NINL: variants seen among roughly 807,000 people sequenced by gnomAD.
NINL encodes ninein-like protein.
NINL carries 153 observed loss-of-function variants against 160.3 expected under a neutral mutation model. That is an observed-to-expected ratio of 0.95 (90% CI 0.84 to 1.09). NINL has a LOEUF of 1.09. Among genes scored for constraint, NINL ranks in the 50% least tolerant of loss-of-function variants. NINL has a pLI of 0.00. For synonymous variants in NINL, 800 were observed against 734.8 expected (o/e 1.09, Z -1.43); for missense variants, 1,829 against 1,764.0 (o/e 1.04, Z -0.66).
At position 25,500,876 on chromosome 20, in the gene NINL, G is replaced by A; in HGVS notation, c.996C>T (p.Thr332=). Residue 332 remains threonine (T), a synonymous_variant, in exon 8 of 24, where the codon ACC becomes ACT. Transcript: ENST00000278886. ...AFPDQVLAMW[T]QEGIQNGREI... is the part of the protein sequence containing the mutation. ...CCCTGCCATTCTGAATCCCCTCCTGGGTCCACATGGCCAGGACCTGATCAG... is the reference window on the plus strand; with the variant it reads ...CCCTGCCATTCTGAATCCCCTCCTGAGTCCACATGGCCAGGACCTGATCAG... 1 of 1,614,072 alleles carries A rather than the reference G, an allele frequency of 6.2e-7. No individual in the cohort carries two copies. The highest frequency in any genetic ancestry group is 8.5e-7 in the Non-Finnish European group (1 of 1,180,002).
chr20:25,487,336 G>T (rs2063523508), intron 13 of NINL, among the ~76,000 whole-genome samples: 1 of 152,070 alleles, frequency 6.6e-6, no homozygotes, highest in South Asian at 2.1e-4. Flanking sequence ...GTCTTAAATG[G>T]CTGTTATTTG....
At position 25,526,487 on chromosome 20, in the gene NINL, T is replaced by G. The variant is rs746202457; in HGVS notation, c.101A>C (p.Gln34Pro). Residue 34 changes from glutamine to proline, a missense_variant, in exon 2 of 24, where the codon CAG (glutamine) becomes CCG (proline). Physicochemically the swap from Gln to Pro is moderately conservative, Grantham distance 76. Coordinates refer to ENST00000278886, the MANE Select transcript of NINL (RefSeq NM_025176.6). ...CTCCAGGTGAAGCTTAAGGCAGAGC[T>G]GGGTCAGCTCCTGGCGGTCCAGAAA... ...TGFLDRQELT[Q>P]LCLKLHLEQQ... 4 of 1,614,100 alleles carry G rather than the reference T, an allele frequency of 2.5e-6. No homozygotes were observed. In the East Asian group the frequency reaches 8.9e-5, roughly 36 times the overall value.
chr20:25,539,481 G>A (rs2064623681), intron 1 of NINL, among the ~76,000 whole-genome samples: 2 of 152,154 alleles, frequency 1.3e-5, no homozygotes, highest in South Asian at 4.1e-4. Flanking sequence ...GCTACTAAGG[G>A]GGCGATGACT....
intron 4 of NINL, among the ~76,000 whole-genome samples, chr20:25,511,660 A>C (rs2064071932): frequency 6.6e-6 from 1 of 152,234 alleles, no homozygotes; most frequent in Non-Finnish European, 1.5e-5. Flanking sequence ...GCAGAATGGC[A>C]CCAATGAAGA....
At position 25,466,380 on chromosome 20, in the gene NINL, T is replaced by C. The variant is rs544657543; in HGVS notation, c.3423+1009A>G. On this transcript the variant is annotated intron_variant, in intron 19 of 23. Coordinates refer to ENST00000278886, the MANE Select transcript of NINL (RefSeq NM_025176.6). ...CATACACATGCACACGTGAAATATA[T>C]AGATATGAACAGAACTAAAGTGCAG... Among the ~76,000 whole-genome samples, 5 of 152,204 alleles carry C rather than the reference T, an allele frequency of 3.3e-5. No homozygotes were observed. In the East Asian group the frequency reaches 9.6e-4, roughly 29 times the overall value.
intron 1 of NINL, among the ~76,000 whole-genome samples, chr20:25,583,756 A>C (rs1026090591): frequency 6.6e-6 from 1 of 152,258 alleles, no homozygotes; most frequent in Non-Finnish European, 1.5e-5. Context: ...TGAATAAAGA[A>C]AATGTGGTAC....
In NINL at chr20:25,511,681, G is replaced by A. The variant is rs373016423; in HGVS notation, c.451-941C>T. ...TGGCACCAATGAAGATCCACCACAAGGAGGAGATTCACTATCTCTCCATCC... is the reference window on the plus strand; with the variant it reads ...TGGCACCAATGAAGATCCACCACAAAGAGGAGATTCACTATCTCTCCATCC... On this transcript the variant is annotated intron_variant, in intron 4 of 23. Coordinates refer to ENST00000278886, the MANE Select transcript of NINL (RefSeq NM_025176.6). Among the ~76,000 whole-genome samples the A allele has an allele frequency of 1.5e-3, 227 of 152,260 alleles. 1 individual carries two copies. The highest frequency in any genetic ancestry group is 5.2e-3 in the African/African-American group (215 of 41,538).
At chr20:25,571,859 C>G (rs1278030941) in intron 1 of NINL, among the ~76,000 whole-genome samples, 1 of 93,964 alleles carries the variant, frequency 1.1e-5, no homozygotes, top group Admixed American at 1.8e-4. Context: ...GAGAGTGAGA[C>G]TCTGTCTGAA....
intron 11 of NINL, among the ~76,000 whole-genome samples, chr20:25,490,819 G>A (rs2063615446): frequency 6.6e-6 from 1 of 152,028 alleles, no homozygotes; most frequent in African/African-American, 2.4e-5. Context: ...GGTGTGGGGA[G>A]TTAGGAGAGG....
intron 1 of NINL, among the ~76,000 whole-genome samples, chr20:25,553,017 C>G (rs2064823121): frequency 1.3e-5 from 2 of 151,800 alleles, no homozygotes; most frequent in Non-Finnish European, 2.9e-5. Context: ...CTTCCCCACG[C>G]AAGGGCACTG....
chr20:25,477,790 A>C (rs113102515), intron 16 of NINL, among the ~76,000 whole-genome samples: 3 of 152,262 alleles, frequency 2.0e-5, no homozygotes, highest in African/African-American at 7.2e-5. Flanking sequence ...GGATGCTGAG[A>C]GGAGAGGGGC....
chr20:25,512,878 G>T lies in NINL; in HGVS notation c.406C>A (p.Leu136Met). ...RVPEQQTQASLKSHLWRSASL... is the reference protein window; with the variant it reads ...RVPEQQTQASMKSHLWRSASL... ...GCTGAGCGCCAGAGGTGACTTTTCA[G>T]GCTGGCCTGGGTTTGCTGCTCCGGC... Residue 136 changes from leucine (L) to methionine (M), a missense_variant, in exon 4 of 24, where the codon CTG (leucine) becomes ATG (methionine). Coordinates refer to ENST00000278886, the MANE Select transcript of NINL (RefSeq NM_025176.6). 2 of 1,614,176 alleles carry T rather than the reference G, an allele frequency of 1.2e-6. No individual in the cohort carries two copies. Among genetic ancestry groups the T allele is most frequent in the South Asian group, 2.2e-5 (2 of 91,086 alleles).
chr20:25,546,576 G>C (rs1014212295), intron 1 of NINL, among the ~76,000 whole-genome samples: 2 of 152,048 alleles, frequency 1.3e-5, no homozygotes, highest in Non-Finnish European at 2.9e-5. Context: ...AAACAAGAAG[G>C]TAATTTTAAT....
At chr20:25,537,747 G>A (rs986653105) in intron 1 of NINL, among the ~76,000 whole-genome samples, 3 of 152,166 alleles carry the variant, frequency 2.0e-5, no homozygotes, top group Non-Finnish European at 2.9e-5. Context: ...ACCTGTAAAC[G>A]AGCTTCGTGC....
At position 25,458,701 on chromosome 20, in the gene NINL, G is replaced by A. The variant is rs1431081529; in HGVS notation, c.3697-172C>T. On this transcript the variant is annotated intron_variant, in intron 21 of 23. Coordinates refer to ENST00000278886, the MANE Select transcript of NINL (RefSeq NM_025176.6). Reference sequence around the variant, plus strand: ...AGCCCATTTCTTTGGAATTCGGACAGCCAGGCTGCTGTCAGCCAGCGCTTC... The same window carrying A: ...AGCCCATTTCTTTGGAATTCGGACAACCAGGCTGCTGTCAGCCAGCGCTTC... The A allele has an allele frequency of 1.3e-5, 9 of 694,670 alleles. No homozygotes were observed. The East Asian group carries it at 2.2e-4, about 17-fold the overall frequency. The allele number at this position is 694,670 out of a possible 1,614,324, so 43.0% of individuals were successfully genotyped here.
intron 4 of NINL, 76 bp downstream of exon 4, chr20:25,512,758 C>T: frequency 6.7e-7 from 1 of 1,496,084 alleles, no homozygotes; most frequent in East Asian, 2.3e-5. Context: ...TGATTATGTG[C>T]TACAAAAAGG....
At chr20:25,529,146 A>G (rs917424065) in intron 1 of NINL, among the ~76,000 whole-genome samples, 1 of 152,118 alleles carries the variant, frequency 6.6e-6, no homozygotes. Flanking sequence ...TGGTGGTGTG[A>G]GCCTGTAGTC....
chr20:25,479,379 C>T (rs1213048335), intron 15 of NINL, among the ~76,000 whole-genome samples, 173 bp from the exon 16 acceptor site: 1 of 152,166 alleles, frequency 6.6e-6, no homozygotes, highest in African/African-American at 2.4e-5. Flanking sequence ...TGGTGGTGCT[C>T]CCCAGGGCCT....
intron 14 of NINL, 29 bp downstream of exon 14, chr20:25,481,939 T>A: frequency 6.3e-7 from 1 of 1,590,952 alleles, no homozygotes; most frequent in Non-Finnish European, 8.5e-7. Context: ...AGGCCTTGGG[T>A]CAGCCCCCTC....
Sources: allele counts gnomAD v4.1 joint callset (sites outside exome capture counted in the v4.1 genomes callset), GRCh38; gene constraint gnomAD v4.1.1; transcripts MANE v1.5; gene names NCBI Gene and HGNC (gene_info 2026-07-23, HGNC 2026-07-21).